ATP7A: variants seen among roughly 807,000 people sequenced by gnomAD.
ATP7A encodes ATPase copper transporting alpha, also known as copper-transporting ATPase 1.
ATP7A carries 7 observed loss-of-function variants against 83.5 expected under a neutral mutation model. That is an observed-to-expected ratio of 0.08 (90% CI 0.05 to 0.16). The LOEUF is 0.16. Ranked by LOEUF, ATP7A falls within the 10% of genes least tolerant of loss-of-function variation. The pLI, the probability that ATP7A is intolerant of heterozygous loss-of-function variation, is 1.00. For missense variants in ATP7A, 940 were observed against 1,120.8 expected (o/e 0.84, Z 2.30); for synonymous variants, 354 against 395.2 (o/e 0.90, Z 1.24).
intron 14 of ATP7A, among the ~76,000 whole-genome samples, chrX:78,025,449 T>A (rs1557236233): frequency 9.0e-6 from 1 of 111,131 alleles, no homozygotes; most frequent in Non-Finnish European, 1.9e-5. Context: ...GAGATCCAAA[T>A]GAAAGTTGGA....
At chrX:77,918,965 C>A (rs2077197915) in intron 1 of ATP7A, among the ~76,000 whole-genome samples, 1 of 111,207 alleles carries the variant, frequency 9.0e-6, no homozygotes, top group South Asian at 3.7e-4. Flanking sequence ...AAAATTACAT[C>A]TTTGTCTAAG....
intron 1 of ATP7A, among the ~76,000 whole-genome samples, chrX:77,925,154 A>C (rs2149044015): frequency 8.9e-6 from 1 of 112,214 alleles, no homozygotes; most frequent in Admixed American, 9.5e-5. Context: ...TAAGAATGTT[A>C]TGAAAAGTCT....
chrX:77,918,861 C>T (rs1267049559), intron 1 of ATP7A, among the ~76,000 whole-genome samples: 1 of 111,469 alleles, frequency 9.0e-6, no homozygotes, highest in Non-Finnish European at 1.9e-5. Context: ...CCCTTCAATA[C>T]CTACTACATC....
At chrX:78,014,506 A>G (rs1397641040) in intron 10 of ATP7A, among the ~76,000 whole-genome samples, 156 bp from the exon 11 acceptor site, 1 of 112,097 alleles carries the variant, frequency 8.9e-6, no homozygotes, top group East Asian at 2.7e-4. Flanking sequence ...AAACATTCAA[A>G]CATTTTGAAG....
chrX:78,022,055 C>T (rs782039130), intron 14 of ATP7A, among the ~76,000 whole-genome samples: 87 of 111,796 alleles, frequency 7.8e-4, no homozygotes, highest in Admixed American at 1.4e-3. Flanking sequence ...AGGTGGAGAG[C>T]CTGTTAACAG....
At chrX:77,990,463 C>T (rs1378703536) in intron 4 of ATP7A, among the ~76,000 whole-genome samples, 5 of 111,279 alleles carry the variant, frequency 4.5e-5, no homozygotes, top group East Asian at 2.8e-4. Context: ...CATTGTGTTT[C>T]CTGGTTTTAT....
chrX:77,984,077 C>T (rs1416490496), intron 2 of ATP7A, among the ~76,000 whole-genome samples: 2 of 111,477 alleles, frequency 1.8e-5, no homozygotes, highest in Non-Finnish European at 3.8e-5. Context: ...AAAAGACAAG[C>T]TGTCGAAATA....
Position 77,988,474 on chromosome X carries a change from T to C in ATP7A, c.353T>C (p.Ile118Thr). 1 of 1,211,517 alleles carries C rather than the reference T, an allele frequency of 8.3e-7. No individual in the cohort carries two copies. Among genetic ancestry groups the C allele is most frequent in the Non-Finnish European group, 1.1e-6 (1 of 895,456 alleles). ...LKTKGVTDIK[I>T]YPQKRTVAVT... is the part of the protein sequence containing the mutation. ...ACCAAGGGTGTGACAGACATTAAAA[T>C]TTACCCTCAGAAAAGAACTGTAGCA... is the stretch of plus-strand genomic sequence containing the variant. The change falls in exon 3 of 23, where the codon ATT (isoleucine) becomes ACT (threonine). Residue 118 changes from isoleucine (I) to threonine (T), a missense_variant. Physicochemically the swap from Ile to Thr is moderately conservative, Grantham distance 89. This residue lies in a region of ATP7A where 350 missense variants were observed against 432.8 expected (regional missense o/e 0.81). Coordinates refer to ENST00000341514, the MANE Select transcript of ATP7A (RefSeq NM_000052.7).
intron 1 of ATP7A, chrX:77,969,531 C>T (rs782138723): frequency 1.7e-6 from 2 of 1,209,817 alleles, no homozygotes; most frequent in Non-Finnish European, 2.2e-6. Flanking sequence ...GCTTCGCCTC[C>T]TCGTGGCCCG....
chrX:78,007,755 C>G (rs781999624), intron 6 of ATP7A, among the ~76,000 whole-genome samples: 99 of 111,966 alleles, frequency 8.8e-4, no homozygotes, highest in Non-Finnish European at 1.2e-3. Flanking sequence ...CTGGTATTGC[C>G]TCTTCGTTGG....
Position 78,033,733 on chromosome X carries a change from T to C in ATP7A, c.3423T>C (p.Asn1141=). The part of the protein sequence containing the change: ...HKNNWNIEDN[N]IKNASLVQID... ...ATAACTGGAATATAGAGGACAATAATATTAAAAATGCATCCCTGGTTCAAA... is the reference window on the plus strand; with the variant it reads ...ATAACTGGAATATAGAGGACAATAACATTAAAAATGCATCCCTGGTTCAAA... The change falls in exon 17 of 23, where the codon AAT becomes AAC. Residue 1141 remains asparagine, a synonymous_variant. Coordinates refer to ENST00000341514, the MANE Select transcript of ATP7A (RefSeq NM_000052.7). The C allele has an allele frequency of 2.5e-6, 3 of 1,210,553 alleles. No individual in the cohort carries two copies. The highest frequency in any genetic ancestry group is 3.4e-6 in the Non-Finnish European group (3 of 894,726).
chrX:77,920,108 C>G (rs2077204889), intron 1 of ATP7A, among the ~76,000 whole-genome samples: 1 of 111,389 alleles, frequency 9.0e-6, no homozygotes. Context: ...TTGATCCTGG[C>G]AATCAGGTAC....
At chrX:78,008,859 A>G (rs2077795996) in intron 6 of ATP7A, among the ~76,000 whole-genome samples, 1 of 109,243 alleles carries the variant, frequency 9.2e-6, no homozygotes. Context: ...TACAAAAAAG[A>G]TAAAAAATTA....
At chrX:77,968,661 C>T (rs2077524186) in intron 1 of ATP7A, among the ~76,000 whole-genome samples, 1 of 112,445 alleles carries the variant, frequency 8.9e-6, no homozygotes, top group Non-Finnish European at 1.9e-5. Context: ...AGAACCTGTG[C>T]TCTAGAACTG....
chrX:77,974,226 G>A (rs782655618), intron 2 of ATP7A, among the ~76,000 whole-genome samples: 3 of 108,683 alleles, frequency 2.8e-5, no homozygotes, highest in East Asian at 2.9e-4. Flanking sequence ...TCACTGCAAC[G>A]TCCACCTCCT....
At chrX:78,007,805 T>C (rs782111992) in intron 6 of ATP7A, among the ~76,000 whole-genome samples, 1 of 112,059 alleles carries the variant, frequency 8.9e-6, no homozygotes, top group East Asian at 2.8e-4. Context: ...GGGTACAGCA[T>C]AGGTGCATGT....
At chrX:77,912,745 G>A (rs971079948) in intron 1 of ATP7A, among the ~76,000 whole-genome samples, 2 of 112,179 alleles carry the variant, frequency 1.8e-5, no homozygotes, top group East Asian at 5.6e-4. Context: ...AACATTTTCT[G>A]AAGTGAGCAA....
intron 6 of ATP7A, among the ~76,000 whole-genome samples, chrX:78,004,542 A>C (rs1557233525): frequency 9.0e-6 from 1 of 110,848 alleles, no homozygotes; most frequent in African/African-American, 3.3e-5. Flanking sequence ...TGAGCCCAGG[A>C]GTTCACGACC....
intron 1 of ATP7A, among the ~76,000 whole-genome samples, chrX:77,967,846 G>A (rs1328793301): frequency 8.9e-6 from 1 of 112,064 alleles, no homozygotes; most frequent in Non-Finnish European, 1.9e-5. Context: ...GAAGTTACAA[G>A]AGTCCATTAA....
Sources: allele counts gnomAD v4.1 joint callset (sites outside exome capture counted in the v4.1 genomes callset), GRCh38; gene constraint gnomAD v4.1.1; regional missense constraint gnomAD v4.1.1; transcripts MANE v1.5; gene names NCBI Gene and HGNC (gene_info 2026-07-23, HGNC 2026-07-21).